The following PAM variants were observed in gnomAD, a reference collection of about 807,000 sequenced individuals.
The protein encoded by PAM is peptidylglycine alpha-amidating monooxygenase.
A neutral mutation model predicts 122.1 loss-of-function variants in PAM; 72 were observed. That is an observed-to-expected ratio of 0.59 (90% CI 0.49 to 0.72). PAM has a LOEUF of 0.72. Ranked by LOEUF, PAM falls within the 30% of genes least tolerant of loss-of-function variation. The pLI, the probability that PAM is intolerant of heterozygous loss-of-function variation, is 0.00. For missense variants in PAM, 1,106 were observed against 1,183.7 expected (o/e 0.93, Z 0.96); for synonymous variants, 389 against 404.4 (o/e 0.96, Z 0.46).
At position 103,007,192 on chromosome 5, in the gene PAM, TACACACACACACAC is replaced by T. The variant is rs56140031; in HGVS notation, c.2014+198_2014+211del. ...ACACACACACACACACACATATACA[TACACACACACACAC>T]ACACACACACACACACGTCTTGTAA... On this transcript the variant is annotated intron_variant, in intron 19 of 25. Coordinates refer to ENST00000438793, the MANE Select transcript of PAM (RefSeq NM_001177306.2). Among the ~76,000 whole-genome samples, 16 of 141,574 alleles carry T rather than the reference TACACACACACACAC, an allele frequency of 1.1e-4. No individual in the cohort carries two copies. The East Asian group carries it at 1.6e-3, about 15-fold the overall frequency. 92.9% of individuals were successfully genotyped at this position (141,574 alleles called of 152,430 possible). A position where few individuals can be genotyped will look rare whatever the true frequency, so the allele number is the denominator to read the frequency against.
intron 1 of PAM, among the ~76,000 whole-genome samples, chr5:102,788,298 T>A (rs1392192391): frequency 6.6e-6 from 1 of 152,138 alleles, no homozygotes; most frequent in Non-Finnish European, 1.5e-5. Context: ...ACCCTTCATA[T>A]ACTCCATAAT....
At chr5:102,830,069 GC>G (rs1255364388) in intron 1 of PAM, among the ~76,000 whole-genome samples, 1 of 152,132 alleles carries the variant, frequency 6.6e-6, no homozygotes, top group Non-Finnish European at 1.5e-5. Context: ...AAATATTTCT[GC>G]CTGTACTGGG....
At chr5:102,976,597 T>C (rs1767756840) in intron 15 of PAM, among the ~76,000 whole-genome samples, 1 of 152,204 alleles carries the variant, frequency 6.6e-6, no homozygotes. Flanking sequence ...GAATTAACTG[T>C]TTCCCTAAGT....
chr5:102,761,746 C>T (rs1752421131), intron 1 of PAM, among the ~76,000 whole-genome samples: 1 of 152,076 alleles, frequency 6.6e-6, no homozygotes, highest in Non-Finnish European at 1.5e-5. Flanking sequence ...CTTATGTTAT[C>T]TTTTAGAACT....
intron 1 of PAM, among the ~76,000 whole-genome samples, chr5:102,775,288 T>G (rs1756861035): frequency 6.6e-6 from 1 of 152,048 alleles, no homozygotes; most frequent in African/African-American, 2.4e-5. Flanking sequence ...TATGAAGAAT[T>G]TTGTGTTACT....
chr5:102,957,167 CTATGTATATT>C (rs992432801), intron 12 of PAM, among the ~76,000 whole-genome samples: 12 of 152,126 alleles, frequency 7.9e-5, no homozygotes, highest in Non-Finnish European at 1.3e-4. Flanking sequence ...GTATGCATAT[CTATGTATATT>C]CATTTGAATA....
At chr5:102,852,792 T>C (rs954819915) in intron 1 of PAM, among the ~76,000 whole-genome samples, 36 of 152,200 alleles carry the variant, frequency 2.4e-4, no homozygotes, top group Admixed American at 4.6e-4. Context: ...CTAAATTCAA[T>C]AGAATCAAGT....
chr5:102,994,872 C>A (rs1775197322), intron 16 of PAM, among the ~76,000 whole-genome samples: 2 of 152,098 alleles, frequency 1.3e-5, no homozygotes, highest in Non-Finnish European at 2.9e-5. Flanking sequence ...CCTTTTATAT[C>A]TTCATAGATG....
chr5:102,965,612 T>A (rs1763859666), intron 14 of PAM, among the ~76,000 whole-genome samples: 1 of 152,046 alleles, frequency 6.6e-6, no homozygotes, highest in African/African-American at 2.4e-5. Context: ...GCCTTTAACA[T>A]GTTTTATTCA....
chr5:102,976,471 AATTAATG>A (rs1320701861), intron 15 of PAM, among the ~76,000 whole-genome samples: 1 of 152,072 alleles, frequency 6.6e-6, no homozygotes, highest in Non-Finnish European at 1.5e-5. Flanking sequence ...TTAGTAATCT[AATTAATG>A]TCTAGTCCTC....
chr5:102,870,829 T>G (rs931025767), intron 3 of PAM, among the ~76,000 whole-genome samples: 11 of 152,174 alleles, frequency 7.2e-5, no homozygotes, highest in African/African-American at 2.4e-4. Context: ...GAAGTGGTGA[T>G]ATCTTGAGAC....
At chr5:102,758,398 T>C (rs940926633) in intron 1 of PAM, among the ~76,000 whole-genome samples, 2 of 152,188 alleles carry the variant, frequency 1.3e-5, no homozygotes, top group South Asian at 4.1e-4. Flanking sequence ...TTTTTCTATT[T>C]GTGAAATGAG....
chr5:102,884,664 A>G (rs1792386103), intron 3 of PAM, among the ~76,000 whole-genome samples: 1 of 151,922 alleles, frequency 6.6e-6, no homozygotes, highest in Admixed American at 6.6e-5. Context: ...ACCCTCTTCA[A>G]GAAAAGCATT....
intron 22 of PAM, among the ~76,000 whole-genome samples, chr5:103,017,906 T>C (rs1000935452): frequency 1.3e-5 from 2 of 152,186 alleles, no homozygotes; most frequent in African/African-American, 4.8e-5. Context: ...GGACTTCAGC[T>C]TTCCCAAATA....
At chr5:102,960,087 A>G in intron 13 of PAM, 28 bp downstream of exon 13, 1 of 1,237,656 alleles carries the variant, frequency 8.1e-7, no homozygotes, top group Non-Finnish European at 1.1e-6. Flanking sequence ...ATATAAAGTA[A>G]TATATGATTT....
chr5:102,872,503 T>TGG (rs1473581226), intron 3 of PAM, among the ~76,000 whole-genome samples: 1 of 152,214 alleles, frequency 6.6e-6, no homozygotes, highest in East Asian at 1.9e-4. Context: ...TTTAACTTCT[T>TGG]CATTTTCTAA....
rs538830687 is a variant in PAM, at chr5:102,927,479, G to A, written c.526+811G>A. 2.0e-4 allele frequency among the ~76,000 whole-genome samples: 31 copies of A among 152,184 alleles called. No homozygotes were observed. The East Asian group carries it at 4.4e-3, about 22-fold the overall frequency. ...TTCTCCTGAATTCTCTAATTTGACA[G>A]TATATTTCTAAGTAACCTGATATGT... On this transcript the variant is annotated intron_variant, in intron 7 of 25. Transcript: ENST00000438793.
At chr5:102,803,227 A>G (rs1020221426) in intron 1 of PAM, among the ~76,000 whole-genome samples, 1 of 132,122 alleles carries the variant, frequency 7.6e-6, no homozygotes. Context: ...GGAAGGAAGG[A>G]AGGAAGGGAA....
At position 103,017,418 on chromosome 5, in the gene PAM, T is replaced by C; in HGVS notation, c.2416T>C (p.Phe806Leu). Residue 806 changes from phenylalanine (F) to leucine (L), a missense_variant, in exon 22 of 26, where the codon TTC (phenylalanine) becomes CTC (leucine). Physicochemically the swap from Phe to Leu is conservative, Grantham distance 22. Transcript: ENST00000438793. The part of the protein sequence containing the change: ...GDAHTNTVWK[F>L]TLTEKLEHRS... ...TGCTCATACCAACACCGTGTGGAAG[T>C]TCACCTTGACTGAGAGTATGGTTTT... is the stretch of plus-strand genomic sequence containing the variant. 6.3e-7 allele frequency: 1 copy of C among 1,596,326 alleles called. No homozygotes were observed. The highest frequency in any genetic ancestry group is 2.2e-5 in the East Asian group (1 of 44,800).
Sources: gnomAD v4.1 joint callset for allele counts (sites outside exome capture counted in the v4.1 genomes callset) on GRCh38, gnomAD v4.1.1 for gene constraint, MANE v1.5 for transcripts, NCBI Gene and HGNC (gene_info 2026-07-23, HGNC 2026-07-21) for gene names.